The following DPYS variants were observed in gnomAD, a reference collection of about 807,000 sequenced individuals.
DPYS encodes the protein dihydropyrimidinase, also known as dihydropyrimidine amidohydrolase.
DPYS carries 39 observed loss-of-function variants against 50.3 expected under a neutral mutation model. The ratio of observed to expected loss-of-function variants is 0.78; its 90% CI spans 0.60 to 1.01. DPYS has a LOEUF of 1.01. Among genes scored for constraint, DPYS ranks in the 50% least tolerant of loss-of-function variants. DPYS has a pLI of 0.00. For missense variants in DPYS, 659 were observed against 680.9 expected (o/e 0.97, Z 0.36); for synonymous variants, 245 against 250.7 (o/e 0.98, Z 0.22).
At chr8:104,441,955 G>A (rs1813370791) in intron 4 of DPYS, among the ~76,000 whole-genome samples, 1 of 152,296 alleles carries the variant, frequency 6.6e-6, no homozygotes, top group East Asian at 1.9e-4. Context: ...AAAGCAATGT[G>A]TAGACAAGGT....
chr8:104,456,608 T>C (rs1278185253), intron 1 of DPYS, among the ~76,000 whole-genome samples: 4 of 152,236 alleles, frequency 2.6e-5, no homozygotes, highest in East Asian at 3.8e-4. Flanking sequence ...TGGGAAAGGA[T>C]GGCTGGGGCC....
chr8:104,397,116 C>A (rs996108726), intron 7 of DPYS, among the ~76,000 whole-genome samples: 7 of 152,184 alleles, frequency 4.6e-5, no homozygotes, highest in African/African-American at 1.4e-4. Context: ...TGAATCCTTG[C>A]ACATGAAGTT....
intron 2 of DPYS, among the ~76,000 whole-genome samples, chr8:104,447,978 A>G (rs958653476): frequency 2.0e-5 from 3 of 152,138 alleles, no homozygotes; most frequent in African/African-American, 7.2e-5. Context: ...GGGCATGCCC[A>G]AGAAAGCACA....
rs1178740040 is a variant in DPYS at position 104,392,929 on chromosome 8, C to A, written c.1298G>T (p.Cys433Phe). The A allele has an allele frequency of 1.2e-6, 2 of 1,614,228 alleles. No homozygotes were observed. Among genetic ancestry groups the A allele is most frequent in the Admixed American group, 3.3e-5 (2 of 60,022 alleles). ...VNFNIFEGMV[C>F]HGVPLVTISR... ...AATAGTCACAAGGGGCACCCCGTGG[C>A]AAACCATGCCCTCGAAAATGTTGAA... is the stretch of plus-strand genomic sequence containing the variant. The change falls in exon 8 of 10, where the codon TGC becomes TTC. Residue 433 changes from cysteine to phenylalanine, a missense_variant. Cys to Phe is a radical substitution (Grantham distance 205). Coordinates refer to ENST00000351513, the MANE Select transcript of DPYS (RefSeq NM_001385.3).
rs375043330 is a variant in DPYS, at chr8:104,466,762, G to A, written c.159C>T (p.Asp53=). Residue 53 remains aspartate, a synonymous_variant, in exon 1 of 10, where the codon GAC becomes GAT. Coordinates refer to ENST00000351513, the MANE Select transcript of DPYS (RefSeq NM_001385.3). ...CGGGCAGGACGAGCTTGCCGGCGGC[G>A]TCGAGGACCCGCAGCCCCGCAGGAG... ...GGAPAGLRVL[D]AAGKLVLPGG... The A allele has an allele frequency of 1.3e-5, 20 of 1,534,720 alleles. No homozygotes were observed. Among genetic ancestry groups the A allele is most frequent in the Non-Finnish European group, 1.7e-5 (19 of 1,145,850 alleles).
intron 1 of DPYS, among the ~76,000 whole-genome samples, chr8:104,461,980 C>T (rs772230200): frequency 2.0e-5 from 3 of 152,002 alleles, no homozygotes; most frequent in Non-Finnish European, 4.4e-5. Context: ...GGATAGGGAG[C>T]CAAATGTTAA....
chr8:104,396,555 T>C (rs531364706), intron 7 of DPYS, among the ~76,000 whole-genome samples: 2 of 152,250 alleles, frequency 1.3e-5, no homozygotes, highest in South Asian at 2.1e-4. Context: ...AAAAATACTC[T>C]GGGAAGCAAA....
intron 1 of DPYS, among the ~76,000 whole-genome samples, chr8:104,461,666 A>G (rs1200086369): frequency 6.6e-6 from 1 of 152,174 alleles, no homozygotes; most frequent in African/African-American, 2.4e-5. Flanking sequence ...CTTGAAGGAG[A>G]GGTCACATTT....
At chr8:104,448,220 A>T (rs1813610115) in intron 2 of DPYS, among the ~76,000 whole-genome samples, 1 of 147,402 alleles carries the variant, frequency 6.8e-6, no homozygotes, top group Admixed American at 6.9e-5. Flanking sequence ...CAGTGGCATG[A>T]TCTTGGTTCA....
intron 1 of DPYS, among the ~76,000 whole-genome samples, chr8:104,456,302 ATAAAT>A (rs1813924450): frequency 6.6e-6 from 1 of 152,220 alleles, no homozygotes; most frequent in Admixed American, 6.5e-5. Flanking sequence ...TAAATGGTGT[ATAAAT>A]TAAATAGACA....
rs572886448 is a variant in DPYS, at chr8:104,387,352, TAAAC to T, written c.1443+5428_1443+5431del. ...GATTTTGAAGCAATAAATAAATAAA[TAAAC>T]AAACAAACAAACAAAATGCTGTGAG... On this transcript the variant is annotated intron_variant, in intron 8 of 9. Coordinates refer to ENST00000351513, the MANE Select transcript of DPYS (RefSeq NM_001385.3). Among the ~76,000 whole-genome samples, 62 of 152,164 alleles carry T rather than the reference TAAAC, an allele frequency of 4.1e-4. No homozygotes were observed. The South Asian group carries it at 9.2e-3, about 22-fold the overall frequency.
rs867969149 is a variant in DPYS at position 104,428,079 on chromosome 8, G to A, written c.993C>T (p.Asn331=). ...TTTGTDNCTF[N]TCQKALGKDD... ...CCTTCCCAAGAGCTTTCTGGCAGGT[G>A]TTGAAAGTGCAGTTATCAGTCCCTG... The change falls in exon 6 of 10, where the codon AAC becomes AAT. Residue 331 remains asparagine (N), a synonymous_variant. Coordinates refer to ENST00000351513, the MANE Select transcript of DPYS (RefSeq NM_001385.3). The A allele has an allele frequency of 9.3e-6, 15 of 1,614,088 alleles. No individual in the cohort carries two copies. Among genetic ancestry groups the A allele is most frequent in the Admixed American group, 1.7e-5 (1 of 60,008 alleles).
chr8:104,389,568 C>T (rs1183753587), intron 8 of DPYS, among the ~76,000 whole-genome samples: 6 of 150,734 alleles, frequency 4.0e-5, no homozygotes, highest in Non-Finnish European at 7.4e-5. Flanking sequence ...TACAGAGGTC[C>T]AGTGGTACAG....
At chr8:104,460,049 T>A (rs919873759) in intron 1 of DPYS, among the ~76,000 whole-genome samples, 5 of 152,236 alleles carry the variant, frequency 3.3e-5, no homozygotes, top group African/African-American at 7.2e-5. Flanking sequence ...TGAATTTTTT[T>A]AATTTGTCTT....
At chr8:104,425,151 G>A (rs1208705664) in intron 6 of DPYS, among the ~76,000 whole-genome samples, 5 of 151,946 alleles carry the variant, frequency 3.3e-5, no homozygotes, top group Non-Finnish European at 7.4e-5. Context: ...TAAATCAGCT[G>A]GCAATGCTTT....
At chr8:104,444,810 C>T (rs1048959805) in intron 3 of DPYS, among the ~76,000 whole-genome samples, 2 of 151,842 alleles carry the variant, frequency 1.3e-5, no homozygotes, top group African/African-American at 2.4e-5. Context: ...AAACAATCAA[C>T]AAAGTGAAGA....
At chr8:104,419,123 C>A (rs1199774398) in intron 7 of DPYS, 2 of 933,508 alleles carry the variant, frequency 2.1e-6, no homozygotes, top group East Asian at 1.2e-4. Flanking sequence ...CTTGGAAAAT[C>A]TTTTCTACTT....
chr8:104,450,610 A>G (rs1407062259), intron 2 of DPYS, among the ~76,000 whole-genome samples: 2 of 152,216 alleles, frequency 1.3e-5, no homozygotes, highest in African/African-American at 4.8e-5. Context: ...TATTTCTGCC[A>G]TGGCCTGGGC....
chr8:104,403,608 AAACTT>A (rs1387757720), intron 7 of DPYS, among the ~76,000 whole-genome samples: 3 of 152,236 alleles, frequency 2.0e-5, no homozygotes, highest in African/African-American at 7.2e-5. Flanking sequence ...GGGGACTTCT[AAACTT>A]AACTCTTTTT....
Sources: allele counts gnomAD v4.1 joint callset (sites outside exome capture counted in the v4.1 genomes callset), GRCh38; gene constraint gnomAD v4.1.1; transcripts MANE v1.5; gene names NCBI Gene and HGNC (gene_info 2026-07-23, HGNC 2026-07-21).